Variants in BPHL observed in about 807,000 individuals in gnomAD.
BPHL encodes serine hydrolase BPHL.
In BPHL, 27 loss-of-function variants were observed where a neutral mutation model predicts 31.2. That is an observed-to-expected ratio of 0.87 (90% CI 0.64 to 1.19). The LOEUF (loss-of-function observed/expected upper bound fraction) is 1.19, where lower values mean the gene tolerates loss of function less well. Among genes scored for constraint, BPHL ranks in the 50% most tolerant of loss-of-function variants. The probability of loss-of-function intolerance (pLI) is 0.00; values close to 1 mark genes in which losing one functional copy is unlikely to be tolerated. For synonymous variants in BPHL, 150 were observed against 146.8 expected, an observed-to-expected ratio of 1.02 and a Z score of -0.16; for missense variants, 356 against 375.7, an observed-to-expected ratio of 0.95 and a Z score of 0.43.
chr6:3,119,246 G>A (rs1180394091), intron 1 of BPHL: 3 of 1,507,308 alleles, frequency 2.0e-6, no homozygotes, highest in African/African-American at 1.4e-5. Context: ...TCCACACTAA[G>A]GGCATAAGGA....
At chr6:3,130,838 C>A (rs1289368291) in intron 4 of BPHL, among the ~76,000 whole-genome samples, 3 of 152,138 alleles carry the variant, frequency 2.0e-5, no homozygotes, top group African/African-American at 7.2e-5. Context: ...CACAGTCTTT[C>A]TGTTTTTTAA....
intron 6 of BPHL, among the ~76,000 whole-genome samples, chr6:3,151,693 A>G (rs181600162): frequency 2.2e-3 from 342 of 152,366 alleles, no homozygotes; most frequent in African/African-American, 7.6e-3. Context: ...TAGAAGCTTT[A>G]CCACTTTTAC....
In BPHL at chr6:3,118,834, G is replaced by C; in HGVS notation, c.94G>C (p.Ala32Pro). Reference sequence around the variant, plus strand: ...GATCCACGTCCCACGGGCCGGACCCGCGGCCGCGTTCGGGTAATGGCGGCC... The same window carrying C: ...GATCCACGTCCCACGGGCCGGACCCCCGGCCGCGTTCGGGTAATGGCGGCC... ...PGIHVPRAGP[A>P]AAFGTSVTSA... Residue 32 changes from alanine to proline, a missense_variant, in exon 1 of 7, where the codon GCG (alanine) becomes CCG (proline). Ala to Pro is a conservative substitution (Grantham distance 27). Coordinates refer to ENST00000380379, the MANE Select transcript of BPHL (RefSeq NM_004332.4). 8.1e-7 allele frequency: 1 copy of C among 1,241,270 alleles called. No homozygotes were observed. Among genetic ancestry groups the C allele is most frequent in the Non-Finnish European group, 1.0e-6 (1 of 990,944 alleles). 76.9% of individuals were successfully genotyped at this position (1,241,270 alleles called of 1,614,324 possible). A position where few individuals can be genotyped will look rare whatever the true frequency, so the allele number is the denominator to read the frequency against.
At chr6:3,129,631 G>A (rs1157569445) in intron 4 of BPHL, among the ~76,000 whole-genome samples, 3 of 152,152 alleles carry the variant, frequency 2.0e-5, no homozygotes, top group Non-Finnish European at 4.4e-5. Context: ...CCATGATTGT[G>A]CCACTGCACT....
At chr6:3,128,022 C>T (rs1005448885) in intron 3 of BPHL, among the ~76,000 whole-genome samples, 1 of 152,092 alleles carries the variant, frequency 6.6e-6, no homozygotes, top group Non-Finnish European at 1.5e-5. Context: ...GGTTTCATCG[C>T]ATTAGTCCGG....
intron 1 of BPHL, among the ~76,000 whole-genome samples, chr6:3,123,355 AT>A (rs942033907): frequency 6.6e-6 from 1 of 152,152 alleles, no homozygotes; most frequent in Non-Finnish European, 1.5e-5. Context: ...TTATTTTTTA[AT>A]TGACATAAGT....
chr6:3,133,636 C>T (rs1014331361), intron 4 of BPHL, among the ~76,000 whole-genome samples: 7 of 152,088 alleles, frequency 4.6e-5, no homozygotes, highest in African/African-American at 1.4e-4. Flanking sequence ...GTGGGCCCTT[C>T]CCGCTCCCTT....
intron 4 of BPHL, among the ~76,000 whole-genome samples, chr6:3,134,491 G>A (rs914656771): frequency 3.5e-5 from 5 of 141,854 alleles, no homozygotes; most frequent in African/African-American, 1.3e-4. Flanking sequence ...AGGCTGGAGT[G>A]CAGTGGCACC....
intron 1 of BPHL, among the ~76,000 whole-genome samples, chr6:3,121,296 T>TC (rs1444451762): frequency 7.7e-6 from 1 of 129,884 alleles, no homozygotes; most frequent in African/African-American, 3.1e-5. Context: ...AGTTTCTTTT[T>TC]TTTTTTTTTT....
At chr6:3,139,548 GGGCGGGGGAGCACTGCCCC>G in intron 5 of BPHL, 1 of 152,358 alleles carries the variant, frequency 6.6e-6, no homozygotes, top group South Asian at 2.1e-4. Context: ...GGCCCGTGCA[GGGCGGGGGAGCACTGCCCC>G]GTCGGGGCAG....
At chr6:3,141,297 T>C (rs368350030) in intron 6 of BPHL, among the ~76,000 whole-genome samples, 2 of 152,152 alleles carry the variant, frequency 1.3e-5, no homozygotes, top group African/African-American at 4.8e-5. Flanking sequence ...GGTAAGAGCA[T>C]AGAGTCAGTG....
chr6:3,127,303 G>A lies in BPHL; in HGVS notation c.273G>A (p.Val91=), dbSNP rs760614991. The A allele has an allele frequency of 6.2e-7, 1 of 1,607,048 alleles. No homozygotes were observed. The highest frequency in any genetic ancestry group is 8.5e-7 in the Non-Finnish European group (1 of 1,175,860). The change falls in exon 3 of 7, where the codon GTG becomes GTA. Residue 91 remains valine, a synonymous_variant. Transcript: ENST00000380379. ...ACCTCAATAAGAAGCTCTTCACGGT[G>A]GTCGCCTGGGATCCTCGAGGCTATG... is the stretch of plus-strand genomic sequence containing the variant. The part of the protein sequence containing the change: ...LKNLNKKLFT[V]VAWDPRGYGH...
intron 4 of BPHL, among the ~76,000 whole-genome samples, chr6:3,132,699 G>T (rs1350383081): frequency 6.6e-6 from 1 of 152,106 alleles, no homozygotes; most frequent in Non-Finnish European, 1.5e-5. Context: ...AGGTGTGGTG[G>T]CATGTGCCTG....
At chr6:3,151,552 C>G (rs1426176065) in intron 6 of BPHL, among the ~76,000 whole-genome samples, 1 of 152,152 alleles carries the variant, frequency 6.6e-6, no homozygotes. Flanking sequence ...TACTGAGGTT[C>G]TGAGCTGTCA....
intron 6 of BPHL, among the ~76,000 whole-genome samples, chr6:3,146,552 T>C (rs772750817): frequency 2.2e-3 from 23 of 10,572 alleles, no homozygotes; most frequent in East Asian, 5.0e-3. Context: ...AGTGCTGGTT[T>C]GGGTCGGGAG....
intron 6 of BPHL, among the ~76,000 whole-genome samples, chr6:3,146,389 ATTTGGGTCGGAGTGCTGG>A (rs1431057534): frequency 3.0e-3 from 209 of 69,732 alleles, no homozygotes; most frequent in African/African-American, 0.012. Flanking sequence ...TTGAGTGCTG[ATTTGGGTCGGAGTGCTGG>A]TTTGGGTTGA....
chr6:3,146,356 G>A (rs1167984306), intron 6 of BPHL, among the ~76,000 whole-genome samples: 1 of 122,384 alleles, frequency 8.2e-6, no homozygotes, highest in African/African-American at 3.2e-5. Flanking sequence ...GAGTGCTGGT[G>A]TGGGTTGGAG....
chr6:3,118,611 G>T, upstream of BPHL: 1 of 610,548 alleles, frequency 1.6e-6, no homozygotes, highest in Non-Finnish European at 2.4e-6. Flanking sequence ...GGGCGGGGCG[G>T]GCAGAGGGCG....
At position 3,137,345 on chromosome 6, in the gene BPHL, ACAC is replaced by A. The variant is rs778436216; in HGVS notation, c.533-16_533-14del. On this transcript the variant is annotated splice_polypyrimidine_tract_variant and intron_variant, in intron 4 of 6. Coordinates refer to ENST00000380379, the MANE Select transcript of BPHL (RefSeq NM_004332.4). ...TATGAAATTAAACCTTTCTTCGCCTACACTTCTGTTTTTCAGGCATCCGAGATG... is the reference window on the plus strand; with the variant it reads ...TATGAAATTAAACCTTTCTTCGCCTATTCTGTTTTTCAGGCATCCGAGATG... The A allele has an allele frequency of 1.2e-6, 2 of 1,610,254 alleles. No homozygotes were observed. The highest frequency in any genetic ancestry group is 4.5e-5 in the East Asian group (2 of 44,830).
Sources: allele counts gnomAD v4.1 joint callset (sites outside exome capture counted in the v4.1 genomes callset), GRCh38; gene constraint gnomAD v4.1.1; transcripts MANE v1.5; gene names NCBI Gene and HGNC (gene_info 2026-07-23, HGNC 2026-07-21).